Variants in ARHGEF7 observed in about 807,000 individuals in gnomAD.
ARHGEF7 encodes the protein Rho guanine nucleotide exchange factor 7.
In ARHGEF7, 33 loss-of-function variants were observed where a neutral mutation model predicts 109.8. That is an observed-to-expected ratio of 0.30 (90% CI 0.23 to 0.40). The LOEUF (loss-of-function observed/expected upper bound fraction) is 0.40. ARHGEF7 is among the 10% of genes least tolerant of loss of function. The probability of loss-of-function intolerance (pLI) is 1.00; values close to 1 mark genes in which losing one functional copy is unlikely to be tolerated. For synonymous variants in ARHGEF7, 458 were observed against 424.6 expected (o/e 1.08, Z -0.97); for missense variants, 938 against 1,098.5 (o/e 0.85, Z 2.07).
intron 5 of ARHGEF7, among the ~76,000 whole-genome samples, chr13:111,224,259 G>T (rs1049320840): frequency 2.4e-5 from 3 of 127,644 alleles, no homozygotes; most frequent in African/African-American, 8.9e-5. Context: ...CAAGGGAGAA[G>T]TTAAGGAGAG....
intron 9 of ARHGEF7, among the ~76,000 whole-genome samples, chr13:111,268,868 T>A (rs958390604): frequency 3.3e-5 from 5 of 152,240 alleles, no homozygotes; most frequent in Non-Finnish European, 5.9e-5. Context: ...TTAATTTTTT[T>A]ATTTTTTAAA....
At chr13:111,148,153 C>T (rs1431718853) in intron 1 of ARHGEF7, among the ~76,000 whole-genome samples, 1 of 152,234 alleles carries the variant, frequency 6.6e-6, no homozygotes, top group African/African-American at 2.4e-5. Context: ...TCTTTGCATT[C>T]ACCGTGCTTA....
intron 2 of ARHGEF7, among the ~76,000 whole-genome samples, chr13:111,201,645 G>C (rs1199192458): frequency 6.6e-6 from 1 of 152,150 alleles, no homozygotes; most frequent in Non-Finnish European, 1.5e-5. Context: ...TGAAAGTGTG[G>C]GGCATTCCAG....
At chr13:111,140,981 C>T (rs182303374) in intron 1 of ARHGEF7, among the ~76,000 whole-genome samples, 1 of 152,298 alleles carries the variant, frequency 6.6e-6, no homozygotes, top group East Asian at 1.9e-4. Context: ...TGAACTACCA[C>T]ACCCAGCCTG....
At chr13:111,155,584 A>C (rs1490075394) in intron 2 of ARHGEF7, among the ~76,000 whole-genome samples, 1 of 152,166 alleles carries the variant, frequency 6.6e-6, no homozygotes, top group African/African-American at 2.4e-5. Flanking sequence ...GTCATTTGTA[A>C]TCCAGCTGCC....
intron 17 of ARHGEF7, 84 bp from the exon 18 acceptor site, chr13:111,288,270 G>A (rs2093111729): frequency 2.7e-6 from 2 of 740,124 alleles, no homozygotes; most frequent in Admixed American, 2.3e-5. Context: ...CTTTGGTCGA[G>A]TTGATGTCTG....
rs1449380514 is a variant in ARHGEF7 at position 111,304,030 on chromosome 13, A to C, written c.*917A>C. The C allele has an allele frequency of 6.6e-6, 1 of 152,264 alleles. No homozygotes were observed. The highest frequency in any genetic ancestry group is 1.5e-5 in the Non-Finnish European group (1 of 68,048). The allele number at this position is 152,264 out of a possible 1,614,324, so 9.4% of individuals were successfully genotyped here. A position where few individuals can be genotyped will look rare whatever the true frequency, so the allele number is the denominator to read the frequency against. On this transcript the variant is annotated 3_prime_UTR_variant, in exon 22 of 22. Coordinates refer to ENST00000646102, the MANE Select transcript of ARHGEF7 (RefSeq NM_001354046.2). ...CACTGCAGCTGATGAAAACAGATGG[A>C]GGCCATGCTGCAGGCTGATACTGAT...
rs2093618042 is a variant in ARHGEF7, at chr13:111,304,154, CCTT to C, written c.*1043_*1045del. 1 of 152,254 alleles carries C rather than the reference CCTT, an allele frequency of 6.6e-6. No individual in the cohort carries two copies. The highest frequency in any genetic ancestry group is 1.5e-5 in the Non-Finnish European group (1 of 68,058). 9.4% of individuals were successfully genotyped at this position (152,254 alleles called of 1,614,324 possible). A position where few individuals can be genotyped will look rare whatever the true frequency, so the allele number is the denominator to read the frequency against. On this transcript the variant is annotated 3_prime_UTR_variant, in exon 22 of 22. Transcript: ENST00000646102. ...GTGCTCACCGAAAGTAAAATCCCCT[CCTT>C]CAGCAAGAATAAAGCAATATACACC...
chr13:111,123,689 A>G (rs1258854487), intron 1 of ARHGEF7, among the ~76,000 whole-genome samples: 4 of 152,200 alleles, frequency 2.6e-5, no homozygotes, highest in Non-Finnish European at 5.9e-5. Context: ...GATAATATCT[A>G]TTGAGTGCAT....
chr13:111,180,977 C>T (rs185730805), intron 2 of ARHGEF7, among the ~76,000 whole-genome samples: 16 of 152,292 alleles, frequency 1.1e-4, no homozygotes, highest in African/African-American at 3.9e-4. Context: ...TGATGTGTAA[C>T]TCAGTGAAGG....
At chr13:111,130,417 C>T (rs1228072201) in intron 1 of ARHGEF7, among the ~76,000 whole-genome samples, 1 of 152,188 alleles carries the variant, frequency 6.6e-6, no homozygotes, top group African/African-American at 2.4e-5. Context: ...TGTAATGGAG[C>T]TTTAACTCAT....
intron 1 of ARHGEF7, among the ~76,000 whole-genome samples, chr13:111,133,131 G>A (rs949293552): frequency 4.0e-5 from 6 of 151,480 alleles, no homozygotes; most frequent in African/African-American, 1.5e-4. Context: ...ATTTATACAC[G>A]TGCATATGTA....
intron 9 of ARHGEF7, among the ~76,000 whole-genome samples, chr13:111,270,668 C>A (rs927035653): frequency 7.2e-5 from 11 of 151,946 alleles, no homozygotes; most frequent in African/African-American, 2.7e-4. Flanking sequence ...TCACAGGTAA[C>A]CCTGAAATAT....
chr13:111,270,486 C>T (rs1427831765), intron 9 of ARHGEF7, among the ~76,000 whole-genome samples: 1 of 151,694 alleles, frequency 6.6e-6, no homozygotes, highest in East Asian at 1.9e-4. Context: ...ATTTCATTTC[C>T]TTTTTAACTG....
At chr13:111,166,272 T>C (rs1208605142) in intron 2 of ARHGEF7, among the ~76,000 whole-genome samples, 1 of 152,072 alleles carries the variant, frequency 6.6e-6, no homozygotes, top group East Asian at 1.9e-4. Context: ...TTGGAAGAGA[T>C]GGGGAATAAT....
intron 2 of ARHGEF7, among the ~76,000 whole-genome samples, chr13:111,172,014 T>A (rs2077643135): frequency 1.3e-5 from 2 of 152,216 alleles, no homozygotes; most frequent in African/African-American, 4.8e-5. Context: ...TTTCTGTGGC[T>A]TATGAGCCGC....
chr13:111,233,241 G>A lies in ARHGEF7; in HGVS notation c.707G>A (p.Ser236Asn), dbSNP rs2086347385. ...PVSPKSGTLK[S>N]PPKGFDTTAI... ...TCTCCCAAATCAGGAACACTGAAGA[G>A]CCCTCCCAAAGGATTTGATACGACT... is the stretch of plus-strand genomic sequence containing the variant. The change falls in exon 6 of 22, where the codon AGC becomes AAC. Residue 236 changes from serine to asparagine, a missense_variant. Coordinates refer to ENST00000646102, the MANE Select transcript of ARHGEF7 (RefSeq NM_001354046.2). 5.0e-6 allele frequency: 8 copies of A among 1,613,960 alleles called. No homozygotes were observed. Among genetic ancestry groups the A allele is most frequent in the African/African-American group, 1.3e-5 (1 of 74,912 alleles).
chr13:111,221,386 TAG>T lies in ARHGEF7; in HGVS notation c.670+3508_670+3509del, dbSNP rs1308473333. On this transcript the variant is annotated intron_variant, in intron 5 of 21. Coordinates refer to ENST00000646102, the MANE Select transcript of ARHGEF7 (RefSeq NM_001354046.2). Reference sequence around the variant, plus strand: ...ATATCTATATATATATCTATATATATAGATGTCTATATATCTATATATATAGA... The same window carrying T: ...ATATCTATATATATATCTATATATATATGTCTATATATCTATATATATAGA... Among the ~76,000 whole-genome samples the T allele has an allele frequency of 1.1e-4, 4 of 35,424 alleles. 1 individual carries two copies. Among genetic ancestry groups the T allele is most frequent in the Non-Finnish European group, 1.2e-4 (2 of 17,218 alleles). The allele number at this position is 35,424 out of a possible 152,430, so 23.2% of individuals were successfully genotyped here.
At chr13:111,181,006 G>T in intron 2 of ARHGEF7, among the ~76,000 whole-genome samples, 1 of 152,212 alleles carries the variant, frequency 6.6e-6, no homozygotes, top group Non-Finnish European at 1.5e-5. Flanking sequence ...TGTAGTGAAA[G>T]ACTTACTACT....
Sources: gnomAD v4.1 joint callset for allele counts (sites outside exome capture counted in the v4.1 genomes callset) on GRCh38, gnomAD v4.1.1 for gene constraint, MANE v1.5 for transcripts, NCBI Gene and HGNC (gene_info 2026-07-23, HGNC 2026-07-21) for gene names.